Variants in PYROXD2 observed in about 807,000 individuals in gnomAD.
PYROXD2 encodes the protein pyridine nucleotide-disulfide oxidoreductase domain-containing protein 2.
A neutral mutation model predicts 71.1 loss-of-function variants in PYROXD2; 69 were observed. That is an observed-to-expected ratio of 0.97 (90% CI 0.80 to 1.19). PYROXD2 has a LOEUF of 1.19. PYROXD2 is among the 50% of genes most tolerant of loss of function. PYROXD2 has a pLI of 0.00. For synonymous variants in PYROXD2, 287 were observed against 302.7 expected (o/e 0.95, Z 0.54); for missense variants, 745 against 748.9 (o/e 0.99, Z 0.06).
At position 98,388,003 on chromosome 10, in the gene PYROXD2, C is replaced by G. The variant is rs1842813044; in HGVS notation, c.1447+351G>C. ...CCAGCTCCTAGTCATCCTTGGAAAC[C>G]CAGCTTGACCATCCCTTCCTTTGAA... On this transcript the variant is annotated intron_variant, in intron 13 of 15. Transcript: ENST00000370575. The G allele has an allele frequency of 8.3e-5, 22 of 263,752 alleles. 1 individual carries two copies. The South Asian group carries it at 8.7e-4, about 10-fold the overall frequency. 16.3% of individuals were successfully genotyped at this position (263,752 alleles called of 1,614,324 possible).
intron 1 of PYROXD2, among the ~76,000 whole-genome samples, chr10:98,413,208 G>A (rs1410193646): frequency 1.3e-5 from 2 of 152,122 alleles, no homozygotes; most frequent in Non-Finnish European, 2.9e-5. Context: ...GCTATGGTGG[G>A]AGTATTTACA....
At chr10:98,400,978 G>C (rs979167248) in intron 4 of PYROXD2, among the ~76,000 whole-genome samples, 16 of 152,150 alleles carry the variant, frequency 1.1e-4, no homozygotes, top group African/African-American at 3.6e-4. Context: ...TCTAGGCTGG[G>C]CACAGTGGCT....
chr10:98,394,377 C>T (rs1843070606), intron 8 of PYROXD2, among the ~76,000 whole-genome samples: 1 of 152,152 alleles, frequency 6.6e-6, no homozygotes, highest in South Asian at 2.1e-4. Context: ...ATCTCCATCG[C>T]CCTGGGGGAA....
chr10:98,411,209 C>T, intron 1 of PYROXD2: 2 of 567,356 alleles, frequency 3.5e-6, no homozygotes, highest in South Asian at 4.5e-5. Context: ...CTGGCTTGGT[C>T]AGGGGCTCTG....
At chr10:98,409,407 A>G (rs1590977632) in intron 2 of PYROXD2, among the ~76,000 whole-genome samples, 1 of 152,246 alleles carries the variant, frequency 6.6e-6, no homozygotes, top group East Asian at 1.9e-4. Context: ...CTTCCCTCAA[A>G]TCACCAAAGC....
intron 4 of PYROXD2, among the ~76,000 whole-genome samples, chr10:98,402,656 A>T (rs1454842375): frequency 1.3e-5 from 2 of 152,336 alleles, no homozygotes; most frequent in East Asian, 3.9e-4. Context: ...CCTTCTCCAG[A>T]TCCGTGGCCT....
chr10:98,408,090 T>C (rs1843671642), intron 2 of PYROXD2, 93 bp from the exon 3 acceptor site: 1 of 1,217,294 alleles, frequency 8.2e-7, no homozygotes, highest in Admixed American at 2.1e-5. Context: ...GTCCTCACTA[T>C]AGGCCAGTAT....
intron 15 of PYROXD2, among the ~76,000 whole-genome samples, 172 bp downstream of exon 15, chr10:98,384,775 G>A (rs1842696251): frequency 6.6e-6 from 1 of 152,234 alleles, no homozygotes; most frequent in South Asian, 2.1e-4. Flanking sequence ...GGCAGCGGCT[G>A]TGTGCTCACC....
At position 98,411,042 on chromosome 10, in the gene PYROXD2, C is replaced by T. The variant is rs1843770206; in HGVS notation, c.128-84G>A. 18 of 1,540,100 alleles carry T rather than the reference C, an allele frequency of 1.2e-5. 1 individual carries two copies. Among genetic ancestry groups the T allele is most frequent in the South Asian group, 6.0e-5 (5 of 82,840 alleles). ...CAGTCCTTGAGGAATGTGCTCCCCG[C>T]TGCCCGTCCCCATGCCATGAAGATC... On this transcript the variant is annotated intron_variant, in intron 1 of 15. Transcript: ENST00000370575.
chr10:98,385,145 C>T, intron 14 of PYROXD2, 78 bp from the exon 15 acceptor site: 1 of 1,551,506 alleles, frequency 6.4e-7, no homozygotes. Context: ...TTCCCCTCCC[C>T]TGTTCTTCAG....
Position 98,387,255 on chromosome 10 carries a change from G to T in PYROXD2, c.1500C>A (p.Gly500=). 1 of 1,614,128 alleles carries T rather than the reference G, an allele frequency of 6.2e-7. No homozygotes were observed. Residue 500 remains glycine, a synonymous_variant, in exon 14 of 16, where the codon GGC becomes GGA. Transcript: ENST00000370575. ...YAPGFKDSVV[G]RDILTPPDLE... ...AATCTGGTGGTGTGAGGATGTCTCT[G>T]CCAACCACAGAGTCCTTGAAGCCAG...
At position 98,391,001 on chromosome 10, in the gene PYROXD2, G is replaced by A; in HGVS notation, c.1135+9C>T. Reference sequence around the variant, plus strand: ...AGGAGACAGTGCTGCAATGTGGTGTGCCTCTTACCATTGATCTTGGTGACA... The same window carrying A: ...AGGAGACAGTGCTGCAATGTGGTGTACCTCTTACCATTGATCTTGGTGACA... On this transcript the variant is annotated intron_variant, in intron 11 of 15. Coordinates refer to ENST00000370575, the MANE Select transcript of PYROXD2 (RefSeq NM_032709.3). 1 of 1,603,230 alleles carries A rather than the reference G, an allele frequency of 6.2e-7. No individual in the cohort carries two copies. Among genetic ancestry groups the A allele is most frequent in the Non-Finnish European group, 8.5e-7 (1 of 1,170,204 alleles).
chr10:98,391,172 G>T, intron 10 of PYROXD2, 90 bp from the exon 11 acceptor site: 4 of 860,108 alleles, frequency 4.7e-6, no homozygotes, highest in Non-Finnish European at 7.9e-6. Context: ...TCCCTCAGTC[G>T]CTCCCTCCGG....
chr10:98,402,082 T>C (rs145368516), intron 4 of PYROXD2, among the ~76,000 whole-genome samples: 15 of 152,348 alleles, frequency 9.8e-5, no homozygotes, highest in African/African-American at 3.6e-4. Context: ...GAATAATATG[T>C]TGCAGTGCAA....
rs750876004 is a variant in PYROXD2, at chr10:98,392,973, G to T, written c.896C>A (p.Thr299Asn). ...AGTGAAGATGCTTGCTCCATGTGTG[G>T]TGGCTGAGCTTGCGATCGCATCAGA... ...ALSDAIASSA[T>N]THGASIFTEK... Residue 299 changes from threonine to asparagine, a missense_variant, in exon 9 of 16, where the codon ACC becomes AAC. By Grantham distance (65) the Thr-to-Asn change is moderately conservative. Transcript: ENST00000370575. 1.2e-6 allele frequency: 2 copies of T among 1,613,934 alleles called. No individual in the cohort carries two copies. Among genetic ancestry groups the T allele is most frequent in the Middle Eastern group, 3.3e-4 (2 of 6,058 alleles).
intron 12 of PYROXD2, among the ~76,000 whole-genome samples, chr10:98,389,081 C>T (rs772692447): frequency 7.2e-5 from 11 of 152,154 alleles, no homozygotes; most frequent in Non-Finnish European, 1.5e-4. Flanking sequence ...CTTCTCCCTG[C>T]GTCCCTCAGC....
Position 98,395,214 on chromosome 10 carries a change from G to A in PYROXD2, c.767C>T (p.Pro256Leu). Residue 256 changes from proline (P) to leucine (L), a missense_variant, in exon 8 of 16, where the codon CCC (proline) becomes CTC (leucine). By Grantham distance (98) the Pro-to-Leu change is moderately conservative. Coordinates refer to ENST00000370575, the MANE Select transcript of PYROXD2 (RefSeq NM_032709.3). ...TDAVIGAMTS[P>L]HTPGSGYVLL... ...CACTCACCCACTCCCCGGAGTGTGG[G>A]GACTTGTCATGGCTCCAATCACTGC... 6.2e-7 allele frequency: 1 copy of A among 1,614,116 alleles called. No homozygotes were observed. Among genetic ancestry groups the A allele is most frequent in the African/African-American group, 1.3e-5 (1 of 75,036 alleles).
At chr10:98,385,409 C>T (rs949224906) in intron 14 of PYROXD2, among the ~76,000 whole-genome samples, 2 of 152,226 alleles carry the variant, frequency 1.3e-5, no homozygotes, top group Non-Finnish European at 2.9e-5. Context: ...TGCGTCTCTG[C>T]GAGAACTCCC....
chr10:98,400,229 T>C lies in PYROXD2; in HGVS notation c.344A>G (p.Asn115Ser), dbSNP rs1339615796. The change falls in exon 5 of 16, where the codon AAC becomes AGC. Residue 115 changes from asparagine (N) to serine (S), a missense_variant. Transcript: ENST00000370575. ...CAGCATGGGGGTGAAGGAGTAGGGGTTTCGAAGATGAAGCCTCAGCCCATG... is the reference window on the plus strand; with the variant it reads ...CAGCATGGGGGTGAAGGAGTAGGGGCTTCGAAGATGAAGCCTCAGCCCATG... ...KKHGLRLHLR[N>S]PYSFTPMLEE... 1.2e-6 allele frequency: 2 copies of C among 1,610,712 alleles called. No individual in the cohort carries two copies. Among genetic ancestry groups the C allele is most frequent in the Admixed American group, 1.7e-5 (1 of 59,652 alleles).
Sources: allele counts gnomAD v4.1 joint callset (sites outside exome capture counted in the v4.1 genomes callset), GRCh38; gene constraint gnomAD v4.1.1; transcripts MANE v1.5; gene names NCBI Gene and HGNC (gene_info 2026-07-23, HGNC 2026-07-21).